IAH1: variants seen among roughly 807,000 people sequenced by gnomAD.
IAH1 encodes the protein isoamyl acetate-hydrolyzing esterase 1 homolog.
In IAH1, 24 loss-of-function variants were observed where a neutral mutation model predicts 26.7. The observed-to-expected ratio is 0.90, with a 90% CI of 0.65 to 1.26. The LOEUF (loss-of-function observed/expected upper bound fraction) is 1.26. IAH1 is among the 50% of genes most tolerant of loss of function. The pLI is 0.00. For missense variants in IAH1, 300 were observed against 299.9 expected (o/e 1.00, Z 0.00); for synonymous variants, 140 against 118.5 (o/e 1.18, Z -1.18).
intron 5 of IAH1, chr2:9,486,140 T>C (rs1661465087): frequency 6.6e-6 from 1 of 152,150 alleles, no homozygotes; most frequent in Non-Finnish European, 1.5e-5. Context: ...CCATCTGTAA[T>C]AGGGAAAATG....
the IAH1 span, chr2:9,512,351 T>C: frequency 6.6e-6 from 1 of 152,254 alleles, no homozygotes; most frequent in East Asian, 1.9e-4. Context: ...AAATATGTCA[T>C]GAAATCAAGC....
chr2:9,475,846 TC>T (rs1682459008), intron 1 of IAH1, 140 bp from the exon 2 acceptor site: 1 of 681,374 alleles, frequency 1.5e-6, no homozygotes, highest in Admixed American at 2.5e-5. Context: ...TTACCTGTAA[TC>T]CCCAAAATGA....
At chr2:9,496,457 T>A (rs1572886144) in exon 7 of IAH1, 1 of 152,258 alleles carries the variant, frequency 6.6e-6, no homozygotes, top group Non-Finnish European at 1.5e-5. Context: ...GCAAGAGAAC[T>A]CCCTCATCGA....
the IAH1 span, among the ~76,000 whole-genome samples, chr2:9,504,064 CTGAT>C: frequency 6.6e-6 from 1 of 151,550 alleles, no homozygotes; most frequent in Non-Finnish European, 1.5e-5. Flanking sequence ...GGTGGAAGGA[CTGAT>C]TGAGCCTGGG....
In IAH1 at chr2:9,475,296, T is replaced by A; in HGVS notation, c.81+649T>A. 4 of 926,454 alleles carry A rather than the reference T, an allele frequency of 4.3e-6. No homozygotes were observed. The South Asian group carries it at 5.4e-5, about 13-fold the overall frequency. The allele number at this position is 926,454 out of a possible 1,614,324, so 57.4% of individuals were successfully genotyped here. A position where few individuals can be genotyped will look rare whatever the true frequency, so the allele number is the denominator to read the frequency against. ...CAGACAGGACTTGCTTCACCAGGCT[T>A]TTGTGTATACGCCAGTAACTGGTAA... is the stretch of plus-strand genomic sequence containing the variant. On this transcript the variant is annotated intron_variant, in intron 1 of 5. Coordinates refer to ENST00000497473, the MANE Select transcript of IAH1 (RefSeq NM_001039613.3).
chr2:9,476,875 C>T (rs542514369), intron 2 of IAH1, among the ~76,000 whole-genome samples: 2 of 152,276 alleles, frequency 1.3e-5, no homozygotes, highest in South Asian at 2.1e-4. Flanking sequence ...GTGCAGGTAA[C>T]AGGTTATGAC....
chr2:9,490,461 G>C (rs889062988), downstream of IAH1: 11 of 1,613,952 alleles, frequency 6.8e-6, no homozygotes, highest in African/African-American at 1.3e-5. Context: ...TGGGGCGCAG[G>C]AAAGGGTTTG....
chr2:9,477,264 G>A (rs915594035), intron 2 of IAH1, among the ~76,000 whole-genome samples: 4 of 152,114 alleles, frequency 2.6e-5, no homozygotes, highest in Non-Finnish European at 5.9e-5. Context: ...AGTTCTCCGC[G>A]GGTGCCCCAG....
chr2:9,497,053 G>C, downstream of IAH1: 1 of 1,583,834 alleles, frequency 6.3e-7, no homozygotes, highest in Non-Finnish European at 8.6e-7. Context: ...TGGAGGAAGG[G>C]AGCCTGGCAG....
intron 1 of IAH1, chr2:9,475,074 T>G (rs1682402640): frequency 8.2e-7 from 1 of 1,223,388 alleles, no homozygotes; most frequent in Non-Finnish European, 1.1e-6. Flanking sequence ...AGGAGCTCTC[T>G]CGCCCCATTC....
At chr2:9,502,280 G>A in the IAH1 span, 1 of 1,607,064 alleles carries the variant, frequency 6.2e-7, no homozygotes. Context: ...CCTGTCACTG[G>A]AGAAGAACAG....
chr2:9,490,465 G>C, downstream of IAH1: 1 of 1,614,050 alleles, frequency 6.2e-7, no homozygotes, highest in East Asian at 2.2e-5. Context: ...GCGCAGGAAA[G>C]GGTTTGATAA....
At chr2:9,495,860 CTTT>C (rs34087915) in intron 6 of IAH1, among the ~76,000 whole-genome samples, 6 of 138,656 alleles carry the variant, frequency 4.3e-5, no homozygotes, top group Non-Finnish European at 7.8e-5. Flanking sequence ...TACGTGTTAC[CTTT>C]TTTTTTTTTT....
At chr2:9,502,140 A>C in the IAH1 span, 1 of 1,564,912 alleles carries the variant, frequency 6.4e-7, no homozygotes, top group Non-Finnish European at 8.8e-7. Flanking sequence ...CACTTGACCC[A>C]CAGCATTCCA....
At chr2:9,492,982 CTT>C, downstream of IAH1, 1 of 1,609,532 alleles carries the variant, frequency 6.2e-7, no homozygotes, top group Non-Finnish European at 8.5e-7. Context: ...CTGCTAAAAA[CTT>C]TCCTGTGAAC....
chr2:9,511,454 A>G, the IAH1 span, among the ~76,000 whole-genome samples: 1 of 152,012 alleles, frequency 6.6e-6, no homozygotes, highest in Non-Finnish European at 1.5e-5. Flanking sequence ...CTATCTTAAA[A>G]AAAAAACAAA....
In IAH1 at chr2:9,474,741, C is replaced by T. The variant is rs889697855; in HGVS notation, c.81+94C>T. 19 of 985,930 alleles carry T rather than the reference C, an allele frequency of 1.9e-5. No individual in the cohort carries two copies. Among genetic ancestry groups the T allele is most frequent in the South Asian group, 5.0e-5 (3 of 60,106 alleles). The allele number at this position is 985,930 out of a possible 1,614,324, so 61.1% of individuals were successfully genotyped here. A position where few individuals can be genotyped will look rare whatever the true frequency, so the allele number is the denominator to read the frequency against. ...GCTCCTCGCCGTCCTCTTCGGCGCCCGAGACGGCTGGGCCGGAGGCCTGGC... is the reference window on the plus strand; with the variant it reads ...GCTCCTCGCCGTCCTCTTCGGCGCCTGAGACGGCTGGGCCGGAGGCCTGGC... On this transcript the variant is annotated intron_variant, in intron 1 of 5. Coordinates refer to ENST00000497473, the MANE Select transcript of IAH1 (RefSeq NM_001039613.3). The surrounding 1 kb of genome is among the most constrained non-coding windows in gnomAD (Gnocchi z 4.3).
chr2:9,495,925 C>A (rs913811992), intron 6 of IAH1, among the ~76,000 whole-genome samples: 17 of 150,222 alleles, frequency 1.1e-4, no homozygotes, highest in Non-Finnish European at 1.8e-4. Flanking sequence ...TCAAACAACT[C>A]CTGAGCTCAA....
downstream of IAH1, chr2:9,490,464 A>G (rs372189309): frequency 6.8e-6 from 11 of 1,614,074 alleles, no homozygotes; most frequent in African/African-American, 2.7e-5. Flanking sequence ...GGCGCAGGAA[A>G]GGGTTTGATA....
Sources: gnomAD v4.1 joint callset for allele counts (sites outside exome capture counted in the v4.1 genomes callset) on GRCh38, gnomAD v4.1.1 for gene constraint, Gnocchi (gnomAD v3.1) non-coding constraint, MANE v1.5 for transcripts, NCBI Gene and HGNC (gene_info 2026-07-23, HGNC 2026-07-21) for gene names.